MCCC2: variants seen among roughly 807,000 people sequenced by gnomAD.
MCCC2 encodes methylcrotonoyl-CoA carboxylase beta chain, mitochondrial.
In MCCC2, 52 loss-of-function variants were observed where a neutral mutation model predicts 77.2. The ratio of observed to expected loss-of-function variants is 0.67; its 90% CI spans 0.54 to 0.85. The LOEUF (loss-of-function observed/expected upper bound fraction) is 0.85. Among genes scored for constraint, MCCC2 ranks in the 40% least tolerant of loss-of-function variants. The probability of loss-of-function intolerance (pLI) is 0.00; values close to 1 mark genes in which losing one functional copy is unlikely to be tolerated. For missense variants in MCCC2, 682 were observed against 703.2 expected (o/e 0.97, Z 0.34); for synonymous variants, 253 against 248.4 (o/e 1.02, Z -0.18).
rs115226528 is a variant in MCCC2, at chr5:71,612,472, G to A, written c.624+8004G>A. 2.0e-3 allele frequency among the ~76,000 whole-genome samples: 306 copies of A among 152,226 alleles called. 1 individual carries two copies. Among genetic ancestry groups the A allele is most frequent in the African/African-American group, 7.1e-3 (294 of 41,546 alleles). ...TTTGCTTACTTTTGCACAGATGGCCGTTGCATTATCTATATGAAATTCGTA... is the reference window on the plus strand; with the variant it reads ...TTTGCTTACTTTTGCACAGATGGCCATTGCATTATCTATATGAAATTCGTA... On this transcript the variant is annotated intron_variant, in intron 6 of 16. Coordinates refer to ENST00000340941, the MANE Select transcript of MCCC2 (RefSeq NM_022132.5).
rs892696787 is a variant in MCCC2, at chr5:71,641,279, A to G, written c.1072+204A>G. ...TGGATCCAAATAGTTTAAAATGTTA[A>G]TAGCTAGATGCTGTGGTGTGGGTCC... is the stretch of plus-strand genomic sequence containing the variant. On this transcript the variant is annotated intron_variant, in intron 11 of 16. Transcript: ENST00000340941. 21 of 584,814 alleles carry G rather than the reference A, an allele frequency of 3.6e-5. No homozygotes were observed. In the African/African-American group the frequency reaches 3.9e-4, roughly 11 times the overall value. The allele number at this position is 584,814 out of a possible 1,614,324, so 36.2% of individuals were successfully genotyped here.
chr5:71,646,103 G>A (rs1747266330), intron 12 of MCCC2, 108 bp from the exon 13 acceptor site: 2 of 891,874 alleles, frequency 2.2e-6, no homozygotes, highest in South Asian at 1.6e-5. Flanking sequence ...AAATTTTAAA[G>A]GGGAGTATTC....
intron 8 of MCCC2, among the ~76,000 whole-genome samples, chr5:71,634,094 G>A (rs1746835764): frequency 6.6e-6 from 1 of 152,186 alleles, no homozygotes; most frequent in Non-Finnish European, 1.5e-5. Context: ...AATTTAGATT[G>A]CAGCAGCTTA....
In MCCC2 at chr5:71,630,475, A is replaced by AT. The variant is rs377746184; in HGVS notation, c.739-1635dup. On this transcript the variant is annotated intron_variant, in intron 7 of 16. Transcript: ENST00000340941. ...AAATATTAACTGATGACAAATTCTT[A>AT]TTTTTTTTTTTGGTTGATATTAGTC... 1.7e-3 allele frequency among the ~76,000 whole-genome samples: 246 copies of AT among 146,066 alleles called. 1 individual carries two copies. The highest frequency in any genetic ancestry group is 2.2e-3 in the East Asian group (11 of 5,022).
At chr5:71,607,384 C>T (rs1483944695) in intron 6 of MCCC2, among the ~76,000 whole-genome samples, 1 of 151,188 alleles carries the variant, frequency 6.6e-6, no homozygotes, top group East Asian at 1.9e-4. Context: ...GTAGTATTCT[C>T]TGATGGTAGT....
In MCCC2 at chr5:71,656,842, C is replaced by T. The variant is rs768354167; in HGVS notation, c.1674C>T (p.Phe558=). 152 of 1,613,310 alleles carry T rather than the reference C, an allele frequency of 9.4e-5. 1 individual carries two copies. Among genetic ancestry groups the T allele is most frequent in the East Asian group, 8.7e-4 (39 of 44,886 alleles). ...ALNAPIEKTD[F]GIFRM is the part of the protein sequence containing the mutation. ...ACGCACCAATAGAGAAGACTGACTT[C>T]GGTATCTTCAGGATGTAACTGGAAT... is the stretch of plus-strand genomic sequence containing the variant. Residue 558 remains phenylalanine, a synonymous_variant, in exon 17 of 17, where the codon TTC becomes TTT. Transcript: ENST00000340941.
At position 71,632,136 on chromosome 5, in the gene MCCC2, G is replaced by A. The variant is rs1746738657; in HGVS notation, c.754G>A (p.Gly252Arg). 6.2e-7 allele frequency: 1 copy of A among 1,614,044 alleles called. No homozygotes were observed. Among genetic ancestry groups the A allele is most frequent in the African/African-American group, 1.3e-5 (1 of 74,938 alleles). The change falls in exon 8 of 17, where the codon GGG (glycine) becomes AGG (arginine). Residue 252 changes from glycine to arginine, a missense_variant. By Grantham distance (125) the Gly-to-Arg change is moderately radical (BLOSUM62 -2). Coordinates refer to ENST00000340941, the MANE Select transcript of MCCC2 (RefSeq NM_022132.5). The part of the protein sequence containing the change: ...AGPPLVKAAT[G>R]EEVSAEDLGG... ...CTTGTTGTAGGTTAAAGCGGCAACT[G>A]GGGAAGAAGTATCTGCTGAGGATCT...
intron 1 of MCCC2, among the ~76,000 whole-genome samples, chr5:71,590,426 G>A (rs1477305470): frequency 6.6e-6 from 1 of 152,144 alleles, no homozygotes; most frequent in Non-Finnish European, 1.5e-5. Context: ...TTGACCCACT[G>A]GTTGCTTAAA....
At chr5:71,618,461 AATT>A (rs1746241727) in intron 6 of MCCC2, among the ~76,000 whole-genome samples, 1 of 147,696 alleles carries the variant, frequency 6.8e-6, no homozygotes, top group Admixed American at 6.7e-5. Context: ...TTCTTTTTTA[AATT>A]CTTTCTTTCT....
rs1350269451 is a variant in MCCC2, at chr5:71,626,726, T to C, written c.711T>C (p.Gly237=). The C allele has an allele frequency of 5.0e-6, 8 of 1,613,980 alleles. No individual in the cohort carries two copies. Among genetic ancestry groups the C allele is most frequent in the Non-Finnish European group, 6.8e-6 (8 of 1,180,032 alleles). The change falls in exon 7 of 17, where the codon GGT becomes GGC. Residue 237 remains glycine, a synonymous_variant. Coordinates refer to ENST00000340941, the MANE Select transcript of MCCC2 (RefSeq NM_022132.5). ...AAAACATCATTGTACGCAAGCAGGGTACCATTTTCTTGGCAGGACCCCCCT... is the reference window on the plus strand; with the variant it reads ...AAAACATCATTGTACGCAAGCAGGGCACCATTTTCTTGGCAGGACCCCCCT... The part of the protein sequence containing the change: ...ADENIIVRKQ[G]TIFLAGPPLV...
intron 16 of MCCC2, among the ~76,000 whole-genome samples, chr5:71,653,024 G>C (rs2112473317): frequency 6.6e-6 from 1 of 152,334 alleles, no homozygotes; most frequent in African/African-American, 2.4e-5. Context: ...TGAGGTGTCT[G>C]GGGCCTGGAG....
intron 10 of MCCC2, among the ~76,000 whole-genome samples, chr5:71,640,606 A>G (rs1184555586): frequency 6.6e-6 from 1 of 152,110 alleles, no homozygotes; most frequent in East Asian, 1.9e-4. Flanking sequence ...ACTCCAGGGC[A>G]TACCAGTCAT....
At chr5:71,633,131 A>ATATATATTTTTTTTTTTTT (rs1554137344) in intron 8 of MCCC2, among the ~76,000 whole-genome samples, 1 of 78,096 alleles carries the variant, frequency 1.3e-5, no homozygotes, top group African/African-American at 5.1e-5. Context: ...ATATATATAT[A>ATATATATTTTTTTTTTTTT]TTTTTATTTT....
Position 71,652,701 on chromosome 5 carries a change from GC to G in MCCC2, c.1524del (p.Ile509SerfsTer45), listed in dbSNP as rs1561849258. 6.2e-7 allele frequency: 1 copy of G among 1,614,120 alleles called. No homozygotes were observed. Among genetic ancestry groups the G allele is most frequent in the Non-Finnish European group, 8.5e-7 (1 of 1,180,012 alleles). On this transcript the variant is annotated frameshift_variant, in exon 16 of 17. Coordinates refer to ENST00000340941, the MANE Select transcript of MCCC2 (RefSeq NM_022132.5). LOFTEE classifies it high-confidence loss of function. ...GTGCTGATGAAGCGGCTTTAAAAGA[GC>G]CCATCATTAAGAAGTTTGAAGAGGA... is the stretch of plus-strand genomic sequence containing the variant. Reference protein sequence around the residue: ...SSADEAALKEPIIKKFEEEGN... With the variant: ...SSADEAALKEXIIKKFEEEGN...
intron 1 of MCCC2, among the ~76,000 whole-genome samples, chr5:71,592,630 G>A (rs1745022680): frequency 6.6e-6 from 1 of 152,228 alleles, no homozygotes; most frequent in Admixed American, 6.5e-5. Context: ...GAGTAGGAGT[G>A]GCCAGAAGTA....
intron 11 of MCCC2, among the ~76,000 whole-genome samples, chr5:71,641,610 A>G (rs1269186083): frequency 1.3e-5 from 2 of 152,234 alleles, no homozygotes; most frequent in African/African-American, 4.8e-5. Flanking sequence ...GGATGTTTAT[A>G]AAAGTTAATT....
chr5:71,597,509 A>G (rs887936226), intron 3 of MCCC2, among the ~76,000 whole-genome samples: 6 of 144,078 alleles, frequency 4.2e-5, no homozygotes, highest in South Asian at 2.3e-4. Flanking sequence ...TGAGGGAGAC[A>G]TGATGGGGAC....
rs1744797141 is a variant in MCCC2, at chr5:71,587,359, G to A, written c.-67G>A. The A allele has an allele frequency of 3.3e-6, 5 of 1,515,782 alleles. No individual in the cohort carries two copies. Among genetic ancestry groups the A allele is most frequent in the Non-Finnish European group, 4.4e-6 (5 of 1,137,700 alleles). The allele number at this position is 1,515,782 out of a possible 1,614,324, so 93.9% of individuals were successfully genotyped here. A position where few individuals can be genotyped will look rare whatever the true frequency, so the allele number is the denominator to read the frequency against. ...GAGCTCAGCTTCCGCCCCAGCCAGG[G>A]AAGCGGCAGGGGAAAGCACCGGCTC... is the stretch of plus-strand genomic sequence containing the variant. On this transcript the variant is annotated 5_prime_UTR_variant, in exon 1 of 17. Coordinates refer to ENST00000340941, the MANE Select transcript of MCCC2 (RefSeq NM_022132.5).
intron 5 of MCCC2, 83 bp from the exon 6 acceptor site, chr5:71,604,273 G>A: frequency 8.6e-7 from 1 of 1,167,348 alleles, no homozygotes; most frequent in Non-Finnish European, 1.3e-6. Flanking sequence ...ATTAAGAACT[G>A]ATGCTGTCAT....
Sources: allele counts gnomAD v4.1 joint callset (sites outside exome capture counted in the v4.1 genomes callset), GRCh38; gene constraint gnomAD v4.1.1; transcripts MANE v1.5; gene names NCBI Gene and HGNC (gene_info 2026-07-23, HGNC 2026-07-21).